Variants in ENTPD1 observed in about 807,000 individuals in gnomAD.
ENTPD1 encodes ectonucleoside triphosphate diphosphohydrolase 1.
ENTPD1 carries 33 observed loss-of-function variants against 57.0 expected under a neutral mutation model. The ratio of observed to expected loss-of-function variants is 0.58; its 90% confidence interval spans 0.44 to 0.77. The LOEUF is 0.77. ENTPD1 is among the 30% of genes least tolerant of loss of function. ENTPD1 has a pLI of 0.00. For missense variants in ENTPD1, 501 were observed against 603.4 expected (o/e 0.83, Z 1.78); for synonymous variants, 202 against 218.8 (o/e 0.92, Z 0.68).
intron 1 of ENTPD1, among the ~76,000 whole-genome samples, chr10:95,731,791 T>TTTTTTTTTTTTTTTTTTTTTG (rs1296094337): frequency 7.2e-6 from 1 of 138,238 alleles, no homozygotes; most frequent in Non-Finnish European, 1.6e-5. Context: ...CTTTTTTTTT[T>TTTTTTTTTTTTTTTTTTTTTG]TTTTTTTTTT....
At chr10:95,734,791 C>T (rs2097992807) in intron 1 of ENTPD1, among the ~76,000 whole-genome samples, 1 of 152,202 alleles carries the variant, frequency 6.6e-6, no homozygotes, top group East Asian at 1.9e-4. Context: ...TAGAGACAGA[C>T]ACAACATTGT....
chr10:95,743,423 G>A (rs1230716411), intron 1 of ENTPD1, among the ~76,000 whole-genome samples: 1 of 152,032 alleles, frequency 6.6e-6, no homozygotes, highest in Non-Finnish European at 1.5e-5. Context: ...CTTTTTCTCT[G>A]CTGCACTCTT....
intron 1 of ENTPD1, among the ~76,000 whole-genome samples, chr10:95,720,791 G>T (rs559624176): frequency 6.6e-6 from 1 of 152,284 alleles, no homozygotes; most frequent in Admixed American, 6.5e-5. Context: ...TGGACAATCT[G>T]CTTTAAAGTG....
At chr10:95,737,055 G>A (rs573381238) in intron 1 of ENTPD1, among the ~76,000 whole-genome samples, 1 of 152,316 alleles carries the variant, frequency 6.6e-6, no homozygotes, top group South Asian at 2.1e-4. Context: ...TTGAGATAAA[G>A]TAGTGGAGCT....
At position 95,780,991 on chromosome 10, in the gene ENTPD1, T is replaced by G. The variant is rs973675474; in HGVS notation, c.16+24736T>G. On this transcript the variant is annotated intron_variant, in intron 1 of 9. Transcript: ENST00000371205. ...TCGTTGCAGCATTATTCACAATAGC[T>G]AAGATTTGGAAGCAACCTAAGTGTC... Among the ~76,000 whole-genome samples, 6 of 152,276 alleles carry G rather than the reference T, an allele frequency of 3.9e-5. No individual in the cohort carries two copies. In the East Asian group the frequency reaches 9.7e-4, roughly 24 times the overall value.
chr10:95,822,900 T>C (rs1207712026), intron 1 of ENTPD1, among the ~76,000 whole-genome samples: 1 of 152,242 alleles, frequency 6.6e-6, no homozygotes, highest in Non-Finnish European at 1.5e-5. Context: ...TTCTTGTTTT[T>C]TGTTATTTGT....
intron 1 of ENTPD1, among the ~76,000 whole-genome samples, chr10:95,740,606 T>C (rs1404495414): frequency 2.6e-5 from 4 of 152,224 alleles, no homozygotes; most frequent in Non-Finnish European, 5.9e-5. Context: ...CCCCAGAGGA[T>C]GAAGGGCCTA....
intron 1 of ENTPD1, among the ~76,000 whole-genome samples, chr10:95,821,731 T>A (rs899399036): frequency 3.9e-5 from 6 of 152,208 alleles, no homozygotes; most frequent in Non-Finnish European, 8.8e-5. Context: ...GGGTAAAGAC[T>A]GCCTCAAGAT....
intron 1 of ENTPD1, among the ~76,000 whole-genome samples, chr10:95,794,736 C>G (rs768132252): frequency 5.9e-5 from 9 of 152,148 alleles, no homozygotes; most frequent in Non-Finnish European, 1.3e-4. Context: ...TCTGAGGCAT[C>G]CTTGAGGAAG....
In ENTPD1 at chr10:95,867,268, C is replaced by T. The variant is rs999263909; in HGVS notation, c.*885C>T. 1.0e-6 allele frequency: 1 copy of T among 974,190 alleles called. No homozygotes were observed. The highest frequency in any genetic ancestry group is 1.8e-5 in the African/African-American group (1 of 56,988). 60.3% of individuals were successfully genotyped at this position (974,190 alleles called of 1,614,324 possible). A position where few individuals can be genotyped will look rare whatever the true frequency, so the allele number is the denominator to read the frequency against. On this transcript the variant is annotated 3_prime_UTR_variant, in exon 10 of 10. Coordinates refer to ENST00000371205, the MANE Select transcript of ENTPD1 (RefSeq NM_001776.6). ...ACATTTAATTCATATTAAATACGTA[C>T]AAATCAGTGACATTTAGTACATTCA... is the stretch of plus-strand genomic sequence containing the variant.
intron 1 of ENTPD1, among the ~76,000 whole-genome samples, chr10:95,734,593 T>C (rs1445293345): frequency 1.3e-5 from 2 of 152,248 alleles, no homozygotes; most frequent in East Asian, 1.9e-4. Context: ...TGATTTTCTC[T>C]TGGATTCTTT....
At chr10:95,719,639 C>T (rs912178949) in intron 1 of ENTPD1, among the ~76,000 whole-genome samples, 17 of 152,220 alleles carry the variant, frequency 1.1e-4, no homozygotes, top group African/African-American at 3.4e-4. Flanking sequence ...CCACAGGTGG[C>T]GAGGAAATTT....
intron 1 of ENTPD1, among the ~76,000 whole-genome samples, chr10:95,811,370 A>G (rs1006243677): frequency 8.5e-5 from 13 of 152,176 alleles, no homozygotes; most frequent in African/African-American, 2.9e-4. Flanking sequence ...ACAACTTCCT[A>G]TGTACCCAAT....
chr10:95,739,859 C>T (rs1408207814), intron 1 of ENTPD1, among the ~76,000 whole-genome samples: 3 of 152,158 alleles, frequency 2.0e-5, no homozygotes, highest in African/African-American at 7.2e-5. Context: ...AGTAATAAGA[C>T]TTGAAATTAC....
chr10:95,830,732 G>A (rs908333135), intron 2 of ENTPD1, among the ~76,000 whole-genome samples: 1 of 152,124 alleles, frequency 6.6e-6, no homozygotes. Context: ...GAACCCAGGA[G>A]GCAGAGGTTG....
rs2098477619 is a variant in ENTPD1, at chr10:95,869,208, A to G, written c.*2825A>G. On this transcript the variant is annotated 3_prime_UTR_variant, in exon 10 of 10. Coordinates refer to ENST00000371205, the MANE Select transcript of ENTPD1 (RefSeq NM_001776.6). ...GTGGGAGTTTTTTTTCTATGAACCT[A>G]TAGGGGAGAAAAAAGATCAGCAGAA... 1.1e-6 allele frequency: 1 copy of G among 904,290 alleles called. No homozygotes were observed. The highest frequency in any genetic ancestry group is 1.3e-6 in the Non-Finnish European group (1 of 763,248). The allele number at this position is 904,290 out of a possible 1,614,324, so 56.0% of individuals were successfully genotyped here. A position where few individuals can be genotyped will look rare whatever the true frequency, so the allele number is the denominator to read the frequency against.
At chr10:95,727,924 T>G (rs1329070251) in intron 1 of ENTPD1, among the ~76,000 whole-genome samples, 1 of 152,242 alleles carries the variant, frequency 6.6e-6, no homozygotes, top group Non-Finnish European at 1.5e-5. Context: ...CACATAAATA[T>G]TTTGTATAAG....
chr10:95,747,061 T>C (rs2098006810), intron 1 of ENTPD1, among the ~76,000 whole-genome samples: 1 of 152,208 alleles, frequency 6.6e-6, no homozygotes, highest in African/African-American at 2.4e-5. Flanking sequence ...AGGAAAATAA[T>C]TTTGAATTCC....
intron 1 of ENTPD1, among the ~76,000 whole-genome samples, chr10:95,713,350 C>G (rs1449950721): frequency 6.6e-6 from 1 of 152,022 alleles, no homozygotes; most frequent in African/African-American, 2.4e-5. Flanking sequence ...TTGGAGATCT[C>G]TCATTCTAAA....
Sources: gnomAD v4.1 joint callset for allele counts (sites outside exome capture counted in the v4.1 genomes callset) on GRCh38, gnomAD v4.1.1 for gene constraint, MANE v1.5 for transcripts, NCBI Gene and HGNC (gene_info 2026-07-23, HGNC 2026-07-21) for gene names.